SYN3: variants seen among roughly 807,000 people sequenced by gnomAD.
SYN3 encodes synapsin III, also known as synapsin-3.
Under a neutral mutation model 65.8 loss-of-function variants are expected in SYN3, and 35 were observed. That is an observed-to-expected ratio of 0.53 (90% CI 0.41 to 0.70). The LOEUF (loss-of-function observed/expected upper bound fraction) is 0.70, where lower values mean the gene tolerates loss of function less well. SYN3 is among the 30% of genes least tolerant of loss of function. The probability of loss-of-function intolerance (pLI) is 0.00; values close to 1 mark genes in which losing one functional copy is unlikely to be tolerated. For missense variants in SYN3, 680 were observed against 749.0 expected, an observed-to-expected ratio of 0.91 and a Z score of 1.08; for synonymous variants, 270 against 292.9, an observed-to-expected ratio of 0.92 and a Z score of 0.80.
intron 7 of SYN3, among the ~76,000 whole-genome samples, chr22:32,571,337 T>G (rs1399118593): frequency 6.6e-6 from 1 of 152,140 alleles, no homozygotes; most frequent in East Asian, 1.9e-4. Context: ...CCTGGGTTGC[T>G]CTGGGAGGTC....
chr22:32,855,972 C>T (rs1188243284), intron 6 of SYN3, among the ~76,000 whole-genome samples: 1 of 152,080 alleles, frequency 6.6e-6, no homozygotes, highest in African/African-American at 2.4e-5. Context: ...ATAAACGAAC[C>T]CAATGCTTTC....
intron 3 of SYN3, among the ~76,000 whole-genome samples, chr22:32,939,173 A>C (rs1229014382): frequency 6.6e-6 from 1 of 152,192 alleles, no homozygotes; most frequent in African/African-American, 2.4e-5. Flanking sequence ...TTAAAGCAAA[A>C]CATTGCAGGC....
chr22:32,552,066 G>A (rs895686826), intron 7 of SYN3, among the ~76,000 whole-genome samples: 8 of 152,282 alleles, frequency 5.3e-5, no homozygotes, highest in Admixed American at 4.6e-4. Context: ...TGGCCAACAG[G>A]GTGAAACCCT....
intron 3 of SYN3, among the ~76,000 whole-genome samples, chr22:32,959,290 T>C (rs2051568476): frequency 6.6e-6 from 1 of 152,034 alleles, no homozygotes; most frequent in African/African-American, 2.4e-5. Flanking sequence ...TTGCCTTCCA[T>C]CATGATTGTG....
chr22:32,570,275 G>A (rs565472586), intron 7 of SYN3, among the ~76,000 whole-genome samples: 42 of 152,290 alleles, frequency 2.8e-4, no homozygotes, highest in African/African-American at 4.8e-4. Context: ...GTGGGGTCCC[G>A]CCAGGGGATG....
chr22:32,757,219 C>T (rs140329222), intron 6 of SYN3, among the ~76,000 whole-genome samples: 4,283 of 151,962 alleles, frequency 0.028, 84 homozygotes, highest in Non-Finnish European at 0.045. Context: ...AGGAACACTG[C>T]CACCAGGAGA....
intron 6 of SYN3, among the ~76,000 whole-genome samples, chr22:32,816,392 G>A (rs1226705703): frequency 6.6e-6 from 1 of 152,168 alleles, no homozygotes; most frequent in Admixed American, 6.5e-5. Context: ...CATTGGGTGA[G>A]CACTTAGCCA....
At chr22:32,580,343 A>C (rs2058921234) in intron 7 of SYN3, among the ~76,000 whole-genome samples, 1 of 152,260 alleles carries the variant, frequency 6.6e-6, no homozygotes, top group African/African-American at 2.4e-5. Flanking sequence ...ACCATGGCCC[A>C]AAAATAGGTG....
At chr22:32,777,936 A>G (rs929742087) in intron 6 of SYN3, among the ~76,000 whole-genome samples, 9 of 152,266 alleles carry the variant, frequency 5.9e-5, no homozygotes, top group Admixed American at 1.3e-4. Context: ...AATTCCTGGG[A>G]TGCCACCTAA....
intron 6 of SYN3, among the ~76,000 whole-genome samples, chr22:32,664,991 CTTTTTTTTTTTTTTT>C (rs564943069): frequency 1.5e-5 from 1 of 68,950 alleles, no homozygotes; most frequent in East Asian, 5.2e-4. Context: ...ATGTATAATT[CTTTTTTTTTTTTTTT>C]TTTTTTTTTT....
At chr22:32,598,507 A>AATTTTTT (rs1569077211) in intron 6 of SYN3, among the ~76,000 whole-genome samples, 1 of 151,930 alleles carries the variant, frequency 6.6e-6, no homozygotes, top group Non-Finnish European at 1.5e-5. Context: ...TTTTTTTGAG[A>AATTTTTT]CAGAGTCTCA....
chr22:32,530,576 C>T (rs1228462088), intron 10 of SYN3, among the ~76,000 whole-genome samples: 4 of 150,330 alleles, frequency 2.7e-5, no homozygotes, highest in Admixed American at 6.6e-5. Flanking sequence ...CTCTACGGGC[C>T]TATTTTTTTT....
At chr22:32,933,044 T>C (rs1266757536) in intron 3 of SYN3, among the ~76,000 whole-genome samples, 3 of 152,194 alleles carry the variant, frequency 2.0e-5, no homozygotes, top group Non-Finnish European at 4.4e-5. Flanking sequence ...TTAACTTGAT[T>C]ACCTCTTTAA....
At chr22:32,905,103 G>A (rs918469616) in intron 4 of SYN3, among the ~76,000 whole-genome samples, 2 of 152,114 alleles carry the variant, frequency 1.3e-5, no homozygotes, top group Non-Finnish European at 1.5e-5. Context: ...TTGCGAGCTC[G>A]AATTTGCTAT....
intron 6 of SYN3, among the ~76,000 whole-genome samples, chr22:32,713,509 C>T (rs2060993067): frequency 6.6e-6 from 1 of 152,198 alleles, no homozygotes; most frequent in African/African-American, 2.4e-5. Flanking sequence ...CCTGTGCCTC[C>T]ATTCAGACTT....
At chr22:32,842,803 T>C (rs1310953776) in intron 6 of SYN3, among the ~76,000 whole-genome samples, 1 of 152,196 alleles carries the variant, frequency 6.6e-6, no homozygotes, top group African/African-American at 2.4e-5. Context: ...TATACTGTTA[T>C]ACTGCTGATG....
At chr22:32,582,454 A>T (rs868221359) in intron 7 of SYN3, among the ~76,000 whole-genome samples, 3 of 151,068 alleles carry the variant, frequency 2.0e-5, no homozygotes, top group Middle Eastern at 6.8e-3. Context: ...GGCTCTAGTG[A>T]TCCCCCTACC....
rs1390522915 is a variant in SYN3 at position 32,512,220 on chromosome 22, A to G, written c.*1472T>C. Among the ~76,000 whole-genome samples, 1 of 152,268 alleles carries G rather than the reference A, an allele frequency of 6.6e-6. No individual in the cohort carries two copies. The highest frequency in any genetic ancestry group is 2.4e-5 in the African/African-American group (1 of 41,476). ...ACCAAACAATCTACATTGCTTGGGC[A>G]TAACTAGAAGCTGCTCCAGGCCAAA... On this transcript the variant is annotated 3_prime_UTR_variant, in exon 14 of 14. Coordinates refer to ENST00000358763, the MANE Select transcript of SYN3 (RefSeq NM_003490.4).
At chr22:32,992,178 G>C (rs920060938) in intron 2 of SYN3, among the ~76,000 whole-genome samples, 1 of 152,246 alleles carries the variant, frequency 6.6e-6, no homozygotes, top group Non-Finnish European at 1.5e-5. Flanking sequence ...CATGAGAAGT[G>C]ATAGAGAAGA....
Sources: gnomAD v4.1 joint callset for allele counts (sites outside exome capture counted in the v4.1 genomes callset) on GRCh38, gnomAD v4.1.1 for gene constraint, MANE v1.5 for transcripts, NCBI Gene and HGNC (gene_info 2026-07-23, HGNC 2026-07-21) for gene names.